Variants in DLGAP2 observed in about 807,000 individuals in gnomAD.
The protein encoded by DLGAP2 is DLG associated protein 2.
Under a neutral mutation model 100.3 loss-of-function variants are expected in DLGAP2, and 26 were observed. That is an observed-to-expected ratio of 0.26 (90% CI 0.19 to 0.36). The LOEUF (loss-of-function observed/expected upper bound fraction) is 0.36. Ranked by LOEUF, DLGAP2 falls within the 10% of genes least tolerant of loss-of-function variation. The pLI is 1.00. For synonymous variants in DLGAP2, 886 were observed against 630.1 expected (o/e 1.41, Z -6.08); for missense variants, 1,858 against 1,453.2 (o/e 1.28, Z -4.53).
chr8:917,085 A>G (rs1798609328), intron 2 of DLGAP2, among the ~76,000 whole-genome samples: 1 of 152,214 alleles, frequency 6.6e-6, no homozygotes, highest in East Asian at 1.9e-4. Flanking sequence ...GCTTCAAAGT[A>G]AAACACCAGT....
At chr8:1,081,604 G>A (rs1803813491) in intron 2 of DLGAP2, among the ~76,000 whole-genome samples, 2 of 152,278 alleles carry the variant, frequency 1.3e-5, no homozygotes, top group African/African-American at 4.8e-5. Context: ...TCCTGCCTTG[G>A]CCTCCCAAAG....
At chr8:1,088,685 T>G (rs565414733) in intron 2 of DLGAP2, among the ~76,000 whole-genome samples, 76 of 148,204 alleles carry the variant, frequency 5.1e-4, no homozygotes, top group African/African-American at 1.7e-3. Context: ...CAATTCTCAC[T>G]CCCCAGTCTC....
At chr8:1,299,544 C>T (rs1231722219) in intron 3 of DLGAP2, among the ~76,000 whole-genome samples, 3 of 152,190 alleles carry the variant, frequency 2.0e-5, no homozygotes, top group East Asian at 1.9e-4. Flanking sequence ...AACTGCAACT[C>T]GGTTTTCAGA....
chr8:900,291 C>T (rs1341071126), intron 1 of DLGAP2, among the ~76,000 whole-genome samples: 3 of 147,378 alleles, frequency 2.0e-5, no homozygotes, highest in Non-Finnish European at 4.5e-5. Flanking sequence ...CGGCGTCGCT[C>T]CCGGGCGGAC....
chr8:1,357,174 C>T lies in DLGAP2; in HGVS notation c.106+98291C>T, dbSNP rs186832554. Among the ~76,000 whole-genome samples, 21 of 152,234 alleles carry T rather than the reference C, an allele frequency of 1.4e-4. No individual in the cohort carries two copies. In the East Asian group the frequency reaches 4.0e-3, roughly 29 times the overall value. Reference sequence around the variant, plus strand: ...ACCAGTCTGTGGACCAGGAAACGAGCCGCTGGGGATCTCAGTCGCAAGGGT... The same window carrying T: ...ACCAGTCTGTGGACCAGGAAACGAGTCGCTGGGGATCTCAGTCGCAAGGGT... On this transcript the variant is annotated intron_variant, in intron 3 of 14. Transcript: ENST00000637795.
chr8:1,165,214 TGGG>T (rs1167623408), intron 2 of DLGAP2, among the ~76,000 whole-genome samples: 12 of 33,792 alleles, frequency 3.6e-4, no homozygotes, highest in Non-Finnish European at 5.3e-4. Context: ...GAGGGGGAGA[TGGG>T]GGGGCGGGAG....
At chr8:1,339,797 C>T (rs569366646) in intron 3 of DLGAP2, among the ~76,000 whole-genome samples, 10 of 152,174 alleles carry the variant, frequency 6.6e-5, no homozygotes, top group East Asian at 1.9e-4. Context: ...GCATGGAAGG[C>T]GATGGCTCAG....
chr8:1,299,294 G>T (rs761379994), intron 3 of DLGAP2, among the ~76,000 whole-genome samples: 2 of 152,242 alleles, frequency 1.3e-5, no homozygotes, highest in Non-Finnish European at 2.9e-5. Flanking sequence ...GTGCCGCATG[G>T]ATGGTCTGTC....
intron 2 of DLGAP2, among the ~76,000 whole-genome samples, chr8:1,119,518 C>G (rs541205758): frequency 6.6e-6 from 1 of 152,202 alleles, no homozygotes; most frequent in Non-Finnish European, 1.5e-5. Flanking sequence ...CCCTGCTGCT[C>G]TTCTTCAGCA....
rs913487067 is a variant in DLGAP2, at chr8:1,041,754, G to A, written c.73+133788G>A. Among the ~76,000 whole-genome samples the A allele has an allele frequency of 4.1e-5, 6 of 147,496 alleles. No homozygotes were observed. In the East Asian group the frequency reaches 8.1e-4, roughly 20 times the overall value. ...CCCTTGCCGTGGGTGAGTGTTCTCCGAGCCCCTTGCCGTGGGTCTGCGGGA... is the reference window on the plus strand; with the variant it reads ...CCCTTGCCGTGGGTGAGTGTTCTCCAAGCCCCTTGCCGTGGGTCTGCGGGA... On this transcript the variant is annotated intron_variant, in intron 2 of 14. Coordinates refer to ENST00000637795, the MANE Select transcript of DLGAP2 (RefSeq NM_001346810.2).
At chr8:1,161,662 A>C (rs1796892761) in intron 2 of DLGAP2, among the ~76,000 whole-genome samples, 1 of 152,218 alleles carries the variant, frequency 6.6e-6, no homozygotes, top group Non-Finnish European at 1.5e-5. Context: ...CTGTAGGGAA[A>C]TGGAGCCTAC....
chr8:1,186,113 G>A (rs928573152), intron 2 of DLGAP2, among the ~76,000 whole-genome samples: 6 of 152,146 alleles, frequency 3.9e-5, no homozygotes, highest in Non-Finnish European at 5.9e-5. Context: ...CGGTGGCCTC[G>A]CCAAGGTGCT....
chr8:962,553 C>T (rs1024305213), intron 2 of DLGAP2, among the ~76,000 whole-genome samples: 1 of 152,160 alleles, frequency 6.6e-6, no homozygotes, highest in East Asian at 1.9e-4. Context: ...CTGGCCTGAC[C>T]TGTGCTCCCA....
At chr8:1,657,102 T>A (rs1488102031) in intron 8 of DLGAP2, among the ~76,000 whole-genome samples, 1 of 152,224 alleles carries the variant, frequency 6.6e-6, no homozygotes, top group African/African-American at 2.4e-5. Flanking sequence ...TATTTTTTTT[T>A]TAAAGAAAGT....
At chr8:1,037,849 G>C (rs1258594301) in intron 2 of DLGAP2, among the ~76,000 whole-genome samples, 1 of 152,200 alleles carries the variant, frequency 6.6e-6, no homozygotes, top group Admixed American at 6.5e-5. Context: ...GCTTATCAAA[G>C]CTCAGACAGC....
intron 1 of DLGAP2, among the ~76,000 whole-genome samples, chr8:855,327 G>T (rs1031686114): frequency 8.2e-6 from 1 of 121,700 alleles, no homozygotes; most frequent in Admixed American, 1.2e-4. Flanking sequence ...TGCTCCCAGC[G>T]GGTGTGTACG....
Position 1,150,926 on chromosome 8 carries a change from G to C in DLGAP2, c.74-107925G>C, listed in dbSNP as rs1391739508. 2.0e-5 allele frequency among the ~76,000 whole-genome samples: 3 copies of C among 152,246 alleles called. No individual in the cohort carries two copies. The East Asian group carries it at 5.8e-4, about 29-fold the overall frequency. ...AAAAATATATGGAGTATTACTTTCT[G>C]AGATAATCATTATTATTTGGATATA... On this transcript the variant is annotated intron_variant, in intron 2 of 14. Coordinates refer to ENST00000637795, the MANE Select transcript of DLGAP2 (RefSeq NM_001346810.2).
chr8:1,374,120 GT>G (rs1426388670), intron 3 of DLGAP2, among the ~76,000 whole-genome samples: 4 of 149,256 alleles, frequency 2.7e-5, no homozygotes, highest in African/African-American at 1.0e-4. Flanking sequence ...TGTGGTGGAG[GT>G]TAGGTTAGGT....
chr8:879,463 G>T (rs1482310756), intron 1 of DLGAP2, among the ~76,000 whole-genome samples: 1 of 152,182 alleles, frequency 6.6e-6, no homozygotes, highest in African/African-American at 2.4e-5. Context: ...TGAGCGCTAG[G>T]CTCAGTTTGT....
Sources: allele counts gnomAD v4.1 joint callset (sites outside exome capture counted in the v4.1 genomes callset), GRCh38; gene constraint gnomAD v4.1.1; transcripts MANE v1.5; gene names NCBI Gene and HGNC (gene_info 2026-07-23, HGNC 2026-07-21).